CFTR: variants seen among roughly 807,000 people sequenced by gnomAD.
CFTR encodes CF transmembrane conductance regulator.
CFTR carries 181 observed loss-of-function variants against 171.6 expected under a neutral mutation model. That is an observed-to-expected ratio of 1.05 (90% CI 0.93 to 1.19). The LOEUF (loss-of-function observed/expected upper bound fraction) is 1.19. Among genes scored for constraint, CFTR ranks in the 50% most tolerant of loss-of-function variants. CFTR has a pLI of 0.00. For synonymous variants in CFTR, 583 were observed against 608.0 expected (o/e 0.96, Z 0.60); for missense variants, 1,968 against 1,734.7 (o/e 1.13, Z -2.39).
chr7:117,557,505 C>T (rs906058071), intron 10 of CFTR, among the ~76,000 whole-genome samples: 1 of 152,074 alleles, frequency 6.6e-6, no homozygotes, highest in Non-Finnish European at 1.5e-5. Context: ...GCTTCTACTA[C>T]ATACATTTCT....
intron 10 of CFTR, among the ~76,000 whole-genome samples, chr7:117,549,532 C>G (rs1217761654): frequency 6.6e-6 from 1 of 152,062 alleles, no homozygotes; most frequent in Non-Finnish European, 1.5e-5. Context: ...AAAACTTGCT[C>G]TCTTTTAACT....
chr7:117,518,569 C>CATATATATAT (rs72291298), intron 3 of CFTR, among the ~76,000 whole-genome samples: 447 of 142,080 alleles, frequency 3.1e-3, no homozygotes, highest in African/African-American at 0.011. Flanking sequence ...TATATAAAAA[C>CATATATATAT]ATATATATAT....
At chr7:117,583,071 T>C (rs1417834368) in intron 11 of CFTR, among the ~76,000 whole-genome samples, 1 of 152,188 alleles carries the variant, frequency 6.6e-6, no homozygotes, top group Non-Finnish European at 1.5e-5. Flanking sequence ...GATAGAAATT[T>C]GACTGAAACA....
chr7:117,596,793 A>G (rs1181420743), intron 15 of CFTR, among the ~76,000 whole-genome samples: 2 of 152,206 alleles, frequency 1.3e-5, no homozygotes, highest in African/African-American at 2.4e-5. Flanking sequence ...AAATATACCA[A>G]TGTGCACTCT....
chr7:117,532,492 A>C (rs2116672497), intron 4 of CFTR, among the ~76,000 whole-genome samples: 1 of 152,348 alleles, frequency 6.6e-6, no homozygotes. Flanking sequence ...TTTCTAAAAT[A>C]GGTAAATCAC....
chr7:117,602,711 T>G, intron 15 of CFTR, 115 bp from the exon 16 acceptor site: 1 of 879,644 alleles, frequency 1.1e-6, no homozygotes. Flanking sequence ...TGAAATTGTG[T>G]GTACCTTGAT....
intron 1 of CFTR, among the ~76,000 whole-genome samples, chr7:117,485,381 G>A (rs895013215): frequency 6.6e-6 from 1 of 152,128 alleles, no homozygotes; most frequent in Non-Finnish European, 1.5e-5. Context: ...AGGTCAAAAG[G>A]GGAAAACAGA....
chr7:117,532,382 T>C (rs892088863), intron 4 of CFTR, among the ~76,000 whole-genome samples: 1 of 152,192 alleles, frequency 6.6e-6, no homozygotes, highest in African/African-American at 2.4e-5. Context: ...CATTTGATCT[T>C]CTGCACAACT....
At chr7:117,536,479 G>C (rs1476642787) in intron 6 of CFTR, 69 bp from the exon 7 acceptor site, 1 of 1,459,186 alleles carries the variant, frequency 6.9e-7, no homozygotes, top group Non-Finnish European at 9.3e-7. Context: ...ACCTTGAGCA[G>C]TTCTTAATAG....
At chr7:117,518,590 G>A (rs778673630) in intron 3 of CFTR, among the ~76,000 whole-genome samples, 19 of 138,594 alleles carry the variant, frequency 1.4e-4, no homozygotes, top group African/African-American at 2.8e-4. Flanking sequence ...ATATATATAT[G>A]TGTGTTTTCT....
rs369664216 is a variant in CFTR at position 117,592,627 on chromosome 7, A to T, written c.2460A>T (p.Ile820=). Residue 820 remains isoleucine, a synonymous_variant, in exon 14 of 27, where the codon ATA becomes ATT. Coordinates refer to ENST00000003084, the MANE Select transcript of CFTR (RefSeq NM_000492.4). ...RRLSQETGLE[I]SEEINEEDLK... The stretch of plus-strand genomic sequence containing the variant: ...TATCTCAAGAAACTGGCTTGGAAAT[A>T]AGTGAAGAAATTAACGAAGAAGACT... The T allele has an allele frequency of 5.8e-6, 9 of 1,540,344 alleles. No homozygotes were observed. In the East Asian group the frequency reaches 1.8e-4, roughly 31 times the overall value.
chr7:117,534,509 G>A (rs1798916622), intron 5 of CFTR, 144 bp downstream of exon 5: 2 of 662,932 alleles, frequency 3.0e-6, no homozygotes, highest in Non-Finnish European at 2.7e-6. Context: ...AACTAAGAAA[G>A]GTCAATTGTA....
At chr7:117,534,893 T>A (rs1798922556) in intron 5 of CFTR, among the ~76,000 whole-genome samples, 1 of 152,182 alleles carries the variant, frequency 6.6e-6, no homozygotes, top group African/African-American at 2.4e-5. Flanking sequence ...TGGAGAGAGT[T>A]CTTTGTTCTC....
chr7:117,494,845 G>C (rs1051657661), intron 1 of CFTR, among the ~76,000 whole-genome samples: 1 of 152,102 alleles, frequency 6.6e-6, no homozygotes, highest in Non-Finnish European at 1.5e-5. Context: ...CCAAGGAGAG[G>C]TGGAACTTGT....
chr7:117,608,711 G>A (rs1792338290), intron 18 of CFTR, among the ~76,000 whole-genome samples: 1 of 152,060 alleles, frequency 6.6e-6, no homozygotes, highest in Non-Finnish European at 1.5e-5. Context: ...CCTTCAAATT[G>A]TGAGCTCCTC....
At chr7:117,643,352 A>ATCCAT (rs1204553730) in intron 23 of CFTR, among the ~76,000 whole-genome samples, 7 of 152,128 alleles carry the variant, frequency 4.6e-5, no homozygotes, top group African/African-American at 7.2e-5. Flanking sequence ...TGGACACTGA[A>ATCCAT]TCCATTCCAC....
At chr7:117,524,392 GA>G (rs541815578) in intron 3 of CFTR, among the ~76,000 whole-genome samples, 1,653 of 113,080 alleles carry the variant, frequency 0.015, 20 homozygotes, top group African/African-American at 0.041. Flanking sequence ...CACTAGTCAT[GA>G]AAAAAAAAAA....
At chr7:117,608,730 C>G (rs1014426496) in intron 18 of CFTR, among the ~76,000 whole-genome samples, 3 of 152,008 alleles carry the variant, frequency 2.0e-5, no homozygotes, top group African/African-American at 7.2e-5. Context: ...TCTGGTTATA[C>G]TTATGTTTTA....
chr7:117,602,391 T>C (rs1792240067), intron 15 of CFTR, among the ~76,000 whole-genome samples: 1 of 152,246 alleles, frequency 6.6e-6, no homozygotes, highest in South Asian at 2.1e-4. Context: ...AATAATTAAT[T>C]GATTTCACAA....
Sources: gnomAD v4.1 joint callset for allele counts (sites outside exome capture counted in the v4.1 genomes callset) on GRCh38, gnomAD v4.1.1 for gene constraint, MANE v1.5 for transcripts, NCBI Gene and HGNC (gene_info 2026-07-23, HGNC 2026-07-21) for gene names.